PDCD6: variants seen among roughly 807,000 people sequenced by gnomAD.
The protein encoded by PDCD6 is programmed cell death 6.
Under a neutral mutation model 28.3 loss-of-function variants are expected in PDCD6, and 12 were observed. That is an observed-to-expected ratio of 0.42 (90% CI 0.27 to 0.69). PDCD6 has a LOEUF of 0.69. Ranked by LOEUF, PDCD6 falls within the 30% of genes least tolerant of loss-of-function variation. The pLI, the probability that PDCD6 is intolerant of heterozygous loss-of-function variation, is 0.22. For missense variants in PDCD6, 226 were observed against 269.9 expected, an observed-to-expected ratio of 0.84 and a Z score of 1.14; for synonymous variants, 92 against 108.0, an observed-to-expected ratio of 0.85 and a Z score of 0.92.
chr5:272,400 G>T (rs1251944646), intron 1 of PDCD6, among the ~76,000 whole-genome samples: 1 of 149,636 alleles, frequency 6.7e-6, no homozygotes, highest in Non-Finnish European at 1.5e-5. Flanking sequence ...CCAGGGAATG[G>T]CTTAGTTATC....
intron 2 of PDCD6, among the ~76,000 whole-genome samples, chr5:283,600 A>G (rs62345239): frequency 0.078 from 4,505 of 57,984 alleles, no homozygotes; most frequent in Middle Eastern, 0.18. Context: ...AAGACTCGGG[A>G]AGGAGCTGAT....
chr5:306,491 T>C (rs1325888030), intron 3 of PDCD6, 111 bp from the exon 4 acceptor site: 4 of 927,382 alleles, frequency 4.3e-6, no homozygotes, highest in Non-Finnish European at 6.9e-6. Context: ...CCCTGGTTAG[T>C]GGTCAGCAGT....
chr5:291,794 A>G (rs1442764134), intron 2 of PDCD6, among the ~76,000 whole-genome samples: 1 of 152,210 alleles, frequency 6.6e-6, no homozygotes, highest in Non-Finnish European at 1.5e-5. Flanking sequence ...AATGTCTTCC[A>G]TCTTCCTGTG....
chr5:276,171 T>C (rs1362199222), intron 2 of PDCD6: 2 of 994,496 alleles, frequency 2.0e-6, no homozygotes, highest in South Asian at 1.6e-5. Flanking sequence ...TGAGGCTGCA[T>C]TGAGCTGAGA....
chr5:300,218 C>G (rs1739965465), intron 2 of PDCD6, among the ~76,000 whole-genome samples: 1 of 152,208 alleles, frequency 6.6e-6, no homozygotes, highest in African/African-American at 2.4e-5. Context: ...GGTAGTTGAC[C>G]AACAAGGTGA....
Position 307,014 on chromosome 5 carries a change from T to C in PDCD6, c.367+254T>C, listed in dbSNP as rs937999996. Among the ~76,000 whole-genome samples the C allele has an allele frequency of 2.0e-5, 3 of 152,224 alleles. No homozygotes were observed. The highest frequency in any genetic ancestry group is 4.4e-5 in the Non-Finnish European group (3 of 68,042). ...GTTCATCTTTTCTGAAGTGGAATGA[T>C]GTCGTGAGCAAAACTGAGAATGTGG... On this transcript the variant is annotated intron_variant, in intron 4 of 5. Transcript: ENST00000264933. The surrounding 1 kb of genome is among the most constrained non-coding windows in gnomAD (Gnocchi z 6.1).
intron 2 of PDCD6, among the ~76,000 whole-genome samples, chr5:300,530 G>C (rs1482364658): frequency 6.6e-6 from 1 of 152,268 alleles, no homozygotes; most frequent in Non-Finnish European, 1.5e-5. Context: ...TTCAGGGGAA[G>C]GCTTGGGATT....
chr5:272,909 T>C, intron 2 of PDCD6, 137 bp downstream of exon 2: 2 of 1,377,086 alleles, frequency 1.5e-6, no homozygotes, highest in South Asian at 2.5e-5. Flanking sequence ...TGCTTCGTAG[T>C]GGAGATGCTT....
chr5:278,792 G>T (rs1271493682), intron 2 of PDCD6, among the ~76,000 whole-genome samples: 1 of 146,846 alleles, frequency 6.8e-6, no homozygotes, highest in Non-Finnish European at 1.5e-5. Context: ...GGACACAGGG[G>T]AGGGTGCTGG....
At chr5:287,636 A>G (rs1412965379) in intron 2 of PDCD6, among the ~76,000 whole-genome samples, 1 of 152,218 alleles carries the variant, frequency 6.6e-6, no homozygotes, top group Admixed American at 6.5e-5. Flanking sequence ...TAAAATATAA[A>G]TTGAAAAATA....
intron 2 of PDCD6, chr5:289,823 C>T (rs568478285): frequency 2.3e-5 from 31 of 1,345,906 alleles, no homozygotes; most frequent in African/African-American, 1.9e-4. Flanking sequence ...GGCCCATTTA[C>T]ATTAGACCTC....
At chr5:311,443 A>C (rs75013020) in intron 5 of PDCD6, 41 bp downstream of exon 5, 1 of 1,399,574 alleles carries the variant, frequency 7.1e-7, no homozygotes, top group African/African-American at 1.4e-5. Context: ...TGGTGGTGGG[A>C]GGGGCTTGCT....
At chr5:290,309 T>C (rs1259766773) in intron 2 of PDCD6, 5 of 1,323,586 alleles carry the variant, frequency 3.8e-6, no homozygotes, top group Non-Finnish European at 5.5e-6. Context: ...TCCTGGAGAC[T>C]CTCAACGTCC....
intron 2 of PDCD6, among the ~76,000 whole-genome samples, chr5:283,502 C>T (rs372798742): frequency 0.011 from 1,288 of 122,078 alleles, 4 homozygotes; most frequent in South Asian, 0.044. Context: ...GCTACAGACC[C>T]GTAGAGGAGC....
At chr5:306,474 G>A in intron 3 of PDCD6, 128 bp from the exon 4 acceptor site, 1 of 784,524 alleles carries the variant, frequency 1.3e-6, no homozygotes, top group Non-Finnish European at 2.2e-6. Flanking sequence ...GGCATGCATT[G>A]CCCAGTCCCT....
intron 2 of PDCD6, among the ~76,000 whole-genome samples, chr5:279,996 G>T (rs181427978): frequency 1.0e-5 from 1 of 98,972 alleles, no homozygotes; most frequent in Non-Finnish European, 2.0e-5. Flanking sequence ...GTCCAAGGGA[G>T]GGGGGTGGGC....
chr5:297,893 AAAG>A (rs1380835306), intron 2 of PDCD6, among the ~76,000 whole-genome samples: 6 of 152,252 alleles, frequency 3.9e-5, no homozygotes, highest in East Asian at 1.9e-4. Flanking sequence ...GGAAATGAAA[AAAG>A]AAAATCGACT....
intron 2 of PDCD6, chr5:289,302 G>A (rs2126717284): frequency 1.9e-6 from 1 of 534,188 alleles, no homozygotes; most frequent in South Asian, 2.4e-5. Flanking sequence ...AAAGCCCAAT[G>A]TCGGCATTAC....
chr5:299,730 T>C (rs886802986), intron 2 of PDCD6, among the ~76,000 whole-genome samples: 7 of 152,146 alleles, frequency 4.6e-5, no homozygotes, highest in Non-Finnish European at 8.8e-5. Context: ...TTTGTATTTT[T>C]AGTAGAGATG....
Sources: allele counts gnomAD v4.1 joint callset (sites outside exome capture counted in the v4.1 genomes callset), GRCh38; gene constraint gnomAD v4.1.1; non-coding constraint Gnocchi (gnomAD v3.1); transcripts MANE v1.5; gene names NCBI Gene and HGNC (gene_info 2026-07-23, HGNC 2026-07-21).